The following AGPS variants were observed in gnomAD, a reference collection of about 807,000 sequenced individuals.
The protein encoded by AGPS is alkylglycerone phosphate synthase, also known as alkyldihydroxyacetonephosphate synthase, peroxisomal.
Under a neutral mutation model 90.7 loss-of-function variants are expected in AGPS, and 26 were observed. That is an observed-to-expected ratio of 0.29 (90% CI 0.21 to 0.40). AGPS has a LOEUF of 0.40. Among genes scored for constraint, AGPS ranks in the 10% least tolerant of loss-of-function variants. The pLI is 1.00. For synonymous variants in AGPS, 294 were observed against 285.3 expected (o/e 1.03, Z -0.31); for missense variants, 540 against 816.1 (o/e 0.66, Z 4.12).
intron 19 of AGPS, among the ~76,000 whole-genome samples, chr2:177,527,595 C>T (rs1185758612): frequency 1.3e-5 from 2 of 151,990 alleles, no homozygotes; most frequent in African/African-American, 2.4e-5. Context: ...TGCTTTTATA[C>T]TTCCTGATAG....
intron 1 of AGPS, 67 bp from the exon 2 acceptor site, chr2:177,420,202 A>G (rs900245350): frequency 9.0e-6 from 9 of 999,278 alleles, no homozygotes; most frequent in South Asian, 2.6e-5. Flanking sequence ...TTAATAATCA[A>G]TGATATACTG....
intron 7 of AGPS, among the ~76,000 whole-genome samples, chr2:177,445,241 G>A (rs1686732273): frequency 6.6e-6 from 1 of 152,166 alleles, no homozygotes; most frequent in African/African-American, 2.4e-5. Context: ...TACAAATGAG[G>A]AAACAATAAG....
rs1163775163 is a variant in AGPS at position 177,513,828 on chromosome 2, T to C, written c.1617T>C (p.Asp539=). 3 of 1,611,252 alleles carry C rather than the reference T, an allele frequency of 1.9e-6. No homozygotes were observed. The highest frequency in any genetic ancestry group is 2.5e-6 in the Non-Finnish European group (3 of 1,177,800). Residue 539 remains aspartate, a synonymous_variant, in exon 17 of 20, where the codon GAT becomes GAC. Transcript: ENST00000264167. The part of the protein sequence containing the change: ...ETSAPWDRVV[D]LCRNVKERIT... ...ATTTATCTTTTTTTAGGGTGGTAGA[T>C]CTCTGTAGAAATGTAAAAGAAAGAA...
chr2:177,454,628 T>C (rs1239639045), intron 8 of AGPS, among the ~76,000 whole-genome samples: 2 of 151,646 alleles, frequency 1.3e-5, no homozygotes, highest in Non-Finnish European at 2.9e-5. Flanking sequence ...TATTTTTAAT[T>C]TTGAATGGTA....
In AGPS at chr2:177,512,747, A is replaced by G. The variant is rs193045229; in HGVS notation, c.1608-1072A>G. Among the ~76,000 whole-genome samples, 104 of 152,368 alleles carry G rather than the reference A, an allele frequency of 6.8e-4. 1 individual carries two copies. The highest frequency in any genetic ancestry group is 2.4e-3 in the African/African-American group (99 of 41,590). On this transcript the variant is annotated intron_variant, in intron 16 of 19. Coordinates refer to ENST00000264167, the MANE Select transcript of AGPS (RefSeq NM_003659.4). ...ACTTTAATATCAAATAGTCCAGCAT[A>G]ACACATTAATACTTTACATCGTTTG...
intron 3 of AGPS, 150 bp from the exon 4 acceptor site, chr2:177,436,614 T>C: frequency 1.4e-6 from 1 of 696,754 alleles, no homozygotes; most frequent in Admixed American, 2.8e-5. Context: ...TAAAGCTGAT[T>C]TCTATATATG....
chr2:177,393,143 C>T (rs1685071323), intron 1 of AGPS, 94 bp downstream of exon 1: 3 of 1,548,946 alleles, frequency 1.9e-6, no homozygotes, highest in African/African-American at 1.4e-5. Context: ...GGAAGTGACA[C>T]GGGTGGGCGG....
chr2:177,489,459 AAAT>A (rs567307997), intron 11 of AGPS, among the ~76,000 whole-genome samples: 212 of 152,316 alleles, frequency 1.4e-3, no homozygotes, highest in African/African-American at 4.8e-3. Context: ...AGTACTAAGT[AAAT>A]AAGACTAATC....
At chr2:177,507,557 C>T (rs1010591022) in intron 15 of AGPS, among the ~76,000 whole-genome samples, 1 of 152,152 alleles carries the variant, frequency 6.6e-6, no homozygotes, top group South Asian at 2.1e-4. Context: ...TCCCCCTGCC[C>T]CTCACTTCTT....
chr2:177,486,960 A>G (rs1688112268), intron 11 of AGPS, among the ~76,000 whole-genome samples: 2 of 151,946 alleles, frequency 1.3e-5, no homozygotes, highest in African/African-American at 4.8e-5. Context: ...TTTATTCAGT[A>G]GATGGGTAAA....
intron 1 of AGPS, among the ~76,000 whole-genome samples, chr2:177,412,961 A>G (rs1324422718): frequency 6.6e-6 from 1 of 152,096 alleles, no homozygotes; most frequent in East Asian, 1.9e-4. Context: ...AGCACAGTGG[A>G]CACCCTGCTG....
At chr2:177,500,722 A>T (rs144125340) in intron 14 of AGPS, among the ~76,000 whole-genome samples, 1 of 152,142 alleles carries the variant, frequency 6.6e-6, no homozygotes, top group African/African-American at 2.4e-5. Context: ...CCTATTCTGA[A>T]ATTGGCAAAT....
intron 1 of AGPS, among the ~76,000 whole-genome samples, chr2:177,403,012 A>G (rs571910696): frequency 2.0e-5 from 3 of 152,266 alleles, no homozygotes; most frequent in African/African-American, 7.2e-5. Context: ...AGCCGAGATC[A>G]TGCCACTGCA....
At position 177,433,599 on chromosome 2, in the gene AGPS, A is replaced by G. The variant is rs146637077; in HGVS notation, c.351-728A>G. Among the ~76,000 whole-genome samples the G allele has an allele frequency of 6.8e-3, 1,032 of 152,248 alleles. 11 individuals carry two copies. The highest frequency in any genetic ancestry group is 0.024 in the African/African-American group (980 of 41,546). On this transcript the variant is annotated intron_variant, in intron 2 of 19. Coordinates refer to ENST00000264167, the MANE Select transcript of AGPS (RefSeq NM_003659.4). ...TTCCAGTTTGTTCTTGTCTAGTAATATTGGAGTGTGTTTTGGACATTGTAC... is the reference window on the plus strand; with the variant it reads ...TTCCAGTTTGTTCTTGTCTAGTAATGTTGGAGTGTGTTTTGGACATTGTAC...
intron 8 of AGPS, among the ~76,000 whole-genome samples, chr2:177,454,200 A>G (rs1342465454): frequency 6.7e-6 from 1 of 150,138 alleles, no homozygotes; most frequent in Admixed American, 6.7e-5. Context: ...ACCTTTAGGG[A>G]CTCTATTTAC....
intron 11 of AGPS, 68 bp from the exon 12 acceptor site, chr2:177,493,080 C>A: frequency 7.5e-7 from 1 of 1,340,668 alleles, no homozygotes; most frequent in Non-Finnish European, 1.1e-6. Context: ...AGATAATATT[C>A]ACATTCTACC....
intron 1 of AGPS, among the ~76,000 whole-genome samples, chr2:177,416,465 T>C (rs1685786274): frequency 1.3e-5 from 2 of 152,200 alleles, no homozygotes; most frequent in South Asian, 4.1e-4. Context: ...GTAAAACATT[T>C]ATTTTTTTAT....
chr2:177,417,014 A>G (rs540595417), intron 1 of AGPS, among the ~76,000 whole-genome samples: 1 of 152,302 alleles, frequency 6.6e-6, no homozygotes, highest in East Asian at 1.9e-4. Flanking sequence ...CTTTGGGGTT[A>G]TTCTGAATGG....
intron 1 of AGPS, among the ~76,000 whole-genome samples, chr2:177,396,666 A>G (rs887479130): frequency 6.6e-6 from 1 of 152,242 alleles, no homozygotes; most frequent in African/African-American, 2.4e-5. Context: ...GAAATAATGA[A>G]GAATTAAACT....
Sources: gnomAD v4.1 joint callset for allele counts (sites outside exome capture counted in the v4.1 genomes callset) on GRCh38, gnomAD v4.1.1 for gene constraint, MANE v1.5 for transcripts, NCBI Gene and HGNC (gene_info 2026-07-23, HGNC 2026-07-21) for gene names.